The following SLPI variants were observed in gnomAD, a reference collection of about 807,000 sequenced individuals.
SLPI encodes secretory leukocyte peptidase inhibitor, also known as antileukoproteinase.
SLPI carries 20 observed loss-of-function variants against 14.3 expected under a neutral mutation model. That is an observed-to-expected ratio of 1.40 (90% confidence interval 0.99 to 2.04). The LOEUF (loss-of-function observed/expected upper bound fraction) is 2.04, where lower values mean the gene tolerates loss of function less well. Ranked by LOEUF, SLPI falls within the 30% of genes most tolerant of loss-of-function variation. The pLI, the probability that SLPI is intolerant of heterozygous loss-of-function variation, is 0.00. For missense variants in SLPI, 169 were observed against 159.4 expected, an observed-to-expected ratio of 1.06 and a Z score of -0.32; for synonymous variants, 68 against 54.8, an observed-to-expected ratio of 1.24 and a Z score of -1.07.
In SLPI at chr20:45,253,564, G is replaced by A. The variant is rs778749582; in HGVS notation, c.244+11C>T. The A allele has an allele frequency of 4.0e-5, 64 of 1,611,216 alleles. No individual in the cohort carries two copies. The highest frequency in any genetic ancestry group is 4.8e-5 in the Non-Finnish European group (56 of 1,178,556). On this transcript the variant is annotated intron_variant, in intron 2 of 3. Transcript: ENST00000338380. ...CTCACTCCTCTCTACCCAGTTCCCC[G>A]ACCTGCTTACTTGGGTTTGGGGTGT...
intron 3 of SLPI, 138 bp downstream of exon 3, chr20:45,252,864 C>T (rs1984700703): frequency 2.2e-6 from 2 of 924,672 alleles, no homozygotes; most frequent in East Asian, 4.9e-5. Context: ...GAACAGTTCT[C>T]TTGAAGGACA....
chr20:45,253,251 G>T, intron 2 of SLPI, 100 bp from the exon 3 acceptor site: 2 of 1,414,274 alleles, frequency 1.4e-6, no homozygotes, highest in Non-Finnish European at 1.9e-6. Context: ...TTCAGCAGGG[G>T]GGATCATCCC....
chr20:45,254,244 G>A (rs539415587), intron 1 of SLPI, among the ~76,000 whole-genome samples: 11 of 150,140 alleles, frequency 7.3e-5, no homozygotes, highest in African/African-American at 2.7e-4. Flanking sequence ...AGTGGGACCT[G>A]GGCTGACAGC....
intron 2 of SLPI, 103 bp downstream of exon 2, chr20:45,253,472 C>T (rs756516485): frequency 4.8e-5 from 54 of 1,132,836 alleles, no homozygotes; most frequent in Non-Finnish European, 5.9e-5. Context: ...GACTCACTGA[C>T]GGATTGACAA....
At chr20:45,253,208 TC>T in intron 2 of SLPI, 57 bp from the exon 3 acceptor site, 1 of 1,572,142 alleles carries the variant, frequency 6.4e-7, no homozygotes, top group Non-Finnish European at 8.6e-7. Flanking sequence ...ACCCCTCCCA[TC>T]CCCACTTTTT....
At chr20:45,254,198 T>TGAGAGAGAGAGAGA (rs144801825) in intron 1 of SLPI, among the ~76,000 whole-genome samples, 3 of 135,430 alleles carry the variant, frequency 2.2e-5, no homozygotes, top group East Asian at 2.2e-4. Flanking sequence ...AGGCGGAGTA[T>TGAGAGAGAGAGAGA]GAGAGAGAGA....
At position 45,253,539 on chromosome 20, in the gene SLPI, C is replaced by T. The variant is rs199788808; in HGVS notation, c.244+36G>A. On this transcript the variant is annotated intron_variant, in intron 2 of 3. Transcript: ENST00000338380. ...ATCCCTCTAATGCTGTGTCCCCAGGCTCACTCCTCTCTACCCAGTTCCCCG... is the reference window on the plus strand; with the variant it reads ...ATCCCTCTAATGCTGTGTCCCCAGGTTCACTCCTCTCTACCCAGTTCCCCG... The T allele has an allele frequency of 6.7e-5, 107 of 1,596,400 alleles. 1 individual carries two copies. The East Asian group carries it at 2.3e-3, about 35-fold the overall frequency.
intron 3 of SLPI, 109 bp from the exon 4 acceptor site, chr20:45,252,528 G>A: frequency 1.7e-6 from 2 of 1,153,396 alleles, no homozygotes; most frequent in Non-Finnish European, 2.6e-6. Context: ...TAGCAAGATA[G>A]CGCTATAGTT....
chr20:45,253,441 C>T, intron 2 of SLPI, 134 bp downstream of exon 2: 1 of 905,994 alleles, frequency 1.1e-6, no homozygotes, highest in African/African-American at 1.7e-5. Context: ...CTGCTGGCTA[C>T]CTTCCTGCTT....
At position 45,252,368 on chromosome 20, in the gene SLPI, T is replaced by C. The variant is rs781500645; in HGVS notation, c.*47A>G. ...GCCAAGTCTCAGGGTGGAAAGGACCTGGACCACACAGAGCAGGACTCCAGA... is the reference window on the plus strand; with the variant it reads ...GCCAAGTCTCAGGGTGGAAAGGACCCGGACCACACAGAGCAGGACTCCAGA... On this transcript the variant is annotated 3_prime_UTR_variant, in exon 4 of 4. Transcript: ENST00000338380. 6.2e-6 allele frequency: 10 copies of C among 1,608,698 alleles called. No homozygotes were observed. The highest frequency in any genetic ancestry group is 7.7e-6 in the Non-Finnish European group (9 of 1,176,432).
chr20:45,253,827 C>T, intron 1 of SLPI, 94 bp from the exon 2 acceptor site: 1 of 1,152,906 alleles, frequency 8.7e-7, no homozygotes, highest in South Asian at 1.5e-5. Context: ...GGGGGAGAGA[C>T]CCTTACCTCA....
chr20:45,253,300 GC>G, intron 2 of SLPI, 149 bp from the exon 3 acceptor site: 4 of 1,012,112 alleles, frequency 4.0e-6, no homozygotes, highest in Admixed American at 2.8e-5. Flanking sequence ...CCCTAAGGCG[GC>G]CCCCAAACAT....
chr20:45,254,484 A>C lies in SLPI; in HGVS notation c.60T>G (p.Pro20=). ...ACTTTCCAGAGCCTTCCACAGCCCA[A>C]GGTGCCAGAGTTCCCAGGGCAAGCA... The part of the protein sequence containing the change: ...LVLLALGTLA[P]WAVEGSGKSF... Residue 20 remains proline (P), a synonymous_variant, in exon 1 of 4, where the codon CCT becomes CCG. Transcript: ENST00000338380. 6.2e-7 allele frequency: 1 copy of C among 1,614,166 alleles called. No individual in the cohort carries two copies. The highest frequency in any genetic ancestry group is 8.5e-7 in the Non-Finnish European group (1 of 1,180,006).
chr20:45,254,408 C>A, intron 1 of SLPI, 51 bp downstream of exon 1: 4 of 1,521,492 alleles, frequency 2.6e-6, no homozygotes, highest in Non-Finnish European at 3.6e-6. Flanking sequence ...CACAAGGAGA[C>A]CCCACCTCTG....
intron 3 of SLPI, 126 bp from the exon 4 acceptor site, chr20:45,252,545 G>C (rs536544344): frequency 3.3e-5 from 31 of 928,854 alleles, no homozygotes; most frequent in African/African-American, 3.3e-4. Context: ...AGTTGAGAGA[G>C]ACTTAGTGTC....
At position 45,253,698 on chromosome 20, in the gene SLPI, C is replaced by A. The variant is rs755050521; in HGVS notation, c.121G>T (p.Ala41Ser). ...GGTTTCTTGTATCTAAGGCACTGGG[C>A]AGATTTCTTAGGAGGACAGACTCCA... Reference protein sequence around the residue: ...KAGVCPPKKSAQCLRYKKPEC... With the variant: ...KAGVCPPKKSSQCLRYKKPEC... The change falls in exon 2 of 4, where the codon GCC becomes TCC. Residue 41 changes from alanine to serine, a missense_variant. By Grantham distance (99) the Ala-to-Ser change is moderately conservative. Transcript: ENST00000338380. 16 of 1,614,110 alleles carry A rather than the reference C, an allele frequency of 9.9e-6. No homozygotes were observed. Among genetic ancestry groups the A allele is most frequent in the Non-Finnish European group, 1.4e-5 (16 of 1,179,996 alleles).
At chr20:45,253,787 C>T in intron 1 of SLPI, 54 bp from the exon 2 acceptor site, 1 of 1,548,912 alleles carries the variant, frequency 6.5e-7, no homozygotes, top group Non-Finnish European at 8.8e-7. Context: ...GAGGACCCAT[C>T]ATGCCTCCTG....
intron 3 of SLPI, among the ~76,000 whole-genome samples, chr20:45,252,695 A>G (rs1177373996): frequency 6.6e-6 from 1 of 152,194 alleles, no homozygotes; most frequent in Admixed American, 6.5e-5. Context: ...CTTAGTGCAC[A>G]TAGTGCTTTG....
chr20:45,254,416 C>G (rs766130063), intron 1 of SLPI, 43 bp downstream of exon 1: 1 of 1,570,254 alleles, frequency 6.4e-7, no homozygotes, highest in Non-Finnish European at 8.8e-7. Flanking sequence ...GACCCCACCT[C>G]TGACCCTGCA....
Sources: allele counts gnomAD v4.1 joint callset (sites outside exome capture counted in the v4.1 genomes callset), GRCh38; gene constraint gnomAD v4.1.1; transcripts MANE v1.5; gene names NCBI Gene and HGNC (gene_info 2026-07-23, HGNC 2026-07-21).